ADH4: variants seen among roughly 807,000 people sequenced by gnomAD.
The protein encoded by ADH4 is alcohol dehydrogenase 4 (class II), pi polypeptide.
ADH4 carries 31 observed loss-of-function variants against 35.2 expected under a neutral mutation model. The observed-to-expected ratio is 0.88, with a 90% CI of 0.66 to 1.19. The LOEUF is 1.19. ADH4 is among the 50% of genes most tolerant of loss of function. ADH4 has a pLI of 0.00. For missense variants in ADH4, 476 were observed against 458.3 expected, an observed-to-expected ratio of 1.04 and a Z score of -0.35; for synonymous variants, 171 against 160.2, an observed-to-expected ratio of 1.07 and a Z score of -0.51.
chr4:99,125,890 T>C (rs1216438599), intron 8 of ADH4, among the ~76,000 whole-genome samples: 1 of 152,212 alleles, frequency 6.6e-6, no homozygotes, highest in Admixed American at 6.5e-5. Flanking sequence ...TTCTTCTTGG[T>C]CCTGCGTCTC....
intron 1 of ADH4, chr4:99,143,114 A>G: frequency 1.4e-6 from 1 of 701,012 alleles, no homozygotes; most frequent in Non-Finnish European, 2.6e-6. Context: ...AATAAGGTAG[A>G]TGGCCTATAA....
At chr4:99,139,930 T>G (rs1729559179) in intron 3 of ADH4, among the ~76,000 whole-genome samples, 1 of 152,196 alleles carries the variant, frequency 6.6e-6, no homozygotes, top group Non-Finnish European at 1.5e-5. Context: ...CAATCTTTTT[T>G]GGAATGGAAA....
intron 4 of ADH4, 106 bp from the exon 5 acceptor site, chr4:99,136,803 C>T: frequency 1.3e-6 from 1 of 750,760 alleles, no homozygotes; most frequent in Non-Finnish European, 2.1e-6. Context: ...TTTTTGATGA[C>T]AATTTACAAG....
chr4:99,139,103 T>A lies in ADH4; in HGVS notation c.308A>T (p.Lys103Met). The change falls in exon 4 of 9, where the codon AAG becomes ATG. Residue 103 changes from lysine to methionine, a missense_variant. Transcript: ENST00000265512. Reference sequence around the variant, plus strand: ...ATTTGTGAGTGGACTCAGACAAAACTTGCATTTTCTACATAGAGGTGCATA... The same window carrying A: ...ATTTGTGAGTGGACTCAGACAAAACATGCATTTTCTACATAGAGGTGCATA... The part of the protein sequence containing the change: ...PLYAPLCRKC[K>M]FCLSPLTNLC... 3 of 1,613,530 alleles carry A rather than the reference T, an allele frequency of 1.9e-6. No homozygotes were observed. Among genetic ancestry groups the A allele is most frequent in the Non-Finnish European group, 2.5e-6 (3 of 1,179,720 alleles).
chr4:99,144,058 A>G, intron 1 of ADH4, 147 bp downstream of exon 1: 1 of 821,650 alleles, frequency 1.2e-6, no homozygotes, highest in Non-Finnish European at 1.9e-6. Context: ...TTTCCCTAGA[A>G]TAAATTCCTG....
intron 5 of ADH4, among the ~76,000 whole-genome samples, chr4:99,132,786 A>T (rs1052514761): frequency 5.3e-5 from 8 of 152,184 alleles, no homozygotes; most frequent in African/African-American, 1.9e-4. Flanking sequence ...TAGGATTAAA[A>T]CATAAACAAA....
rs755024959 is a variant in ADH4 at position 99,126,621 on chromosome 4, G to A, written c.1091C>T (p.Ala364Val). The A allele has an allele frequency of 3.1e-6, 5 of 1,608,198 alleles. No homozygotes were observed. The East Asian group carries it at 8.9e-5, about 29-fold the overall frequency. The change falls in exon 8 of 9, where the codon GCA becomes GTA. Residue 364 changes from alanine to valine, a missense_variant. By Grantham distance (64) the Ala-to-Val change is moderately conservative. Transcript: ENST00000265512. ...TTTTCCTTGGTTCATTAGGTCAAAT[G>A]CCTCACTGATTTTGTCAAAAGGCAG... ...HTLPFDKISE[A>V]FDLMNQGKSV...
At chr4:99,134,150 G>A (rs889476528) in intron 5 of ADH4, among the ~76,000 whole-genome samples, 2 of 152,104 alleles carry the variant, frequency 1.3e-5, no homozygotes, top group Admixed American at 6.6e-5. Flanking sequence ...ACCAGAGTCT[G>A]GGGGGATAAA....
chr4:99,142,949 C>A, intron 1 of ADH4, 169 bp from the exon 2 acceptor site: 1 of 608,368 alleles, frequency 1.6e-6, no homozygotes, highest in Non-Finnish European at 2.9e-6. Flanking sequence ...ATTTTAAAGA[C>A]AAGGGATCTT....
chr4:99,131,810 C>A, intron 5 of ADH4, 46 bp from the exon 6 acceptor site: 1 of 1,570,026 alleles, frequency 6.4e-7, no homozygotes, highest in South Asian at 1.2e-5. Context: ...CAGCCAGTCC[C>A]ACTTTTTTTC....
intron 6 of ADH4, among the ~76,000 whole-genome samples, chr4:99,129,180 G>A (rs1729194883): frequency 6.6e-6 from 1 of 151,608 alleles, no homozygotes; most frequent in Non-Finnish European, 1.5e-5. Flanking sequence ...AAAAAAGTAA[G>A]TAGGGGAGAG....
intron 6 of ADH4, among the ~76,000 whole-genome samples, chr4:99,130,280 A>T (rs1729231370): frequency 1.3e-5 from 2 of 152,198 alleles, no homozygotes; most frequent in South Asian, 4.1e-4. Flanking sequence ...TCTCTGACTT[A>T]TTGCTGGGGG....
chr4:99,127,154 A>T, intron 7 of ADH4, 55 bp downstream of exon 7: 1 of 1,448,538 alleles, frequency 6.9e-7, no homozygotes. Context: ...TCACTCTAAG[A>T]ATTTCAGAAC....
At chr4:99,139,225 A>C (rs1223458681) in intron 3 of ADH4, 77 bp from the exon 4 acceptor site, 1 of 913,538 alleles carries the variant, frequency 1.1e-6, no homozygotes, top group African/African-American at 1.7e-5. Context: ...AGTGGAAAAC[A>C]CCTTTTCTTT....
At chr4:99,136,839 A>T (rs1729450660) in intron 4 of ADH4, 142 bp from the exon 5 acceptor site, 1 of 607,244 alleles carries the variant, frequency 1.6e-6, no homozygotes, top group Non-Finnish European at 2.8e-6. Context: ...AAACAACAAG[A>T]CTTTTCACAA....
intron 8 of ADH4, among the ~76,000 whole-genome samples, chr4:99,124,744 A>G (rs1729029624): frequency 6.6e-6 from 1 of 152,142 alleles, no homozygotes; most frequent in Non-Finnish European, 1.5e-5. Flanking sequence ...ATTAGAATGT[A>G]CCAAGGAGGG....
chr4:99,136,788 A>T, intron 4 of ADH4, 91 bp from the exon 5 acceptor site: 1 of 832,772 alleles, frequency 1.2e-6, no homozygotes, highest in South Asian at 1.9e-5. Context: ...GTTGAGCATT[A>T]TATATTTTTG....
chr4:99,125,327 T>C (rs568792997), intron 8 of ADH4, among the ~76,000 whole-genome samples: 2 of 152,214 alleles, frequency 1.3e-5, no homozygotes, highest in Non-Finnish European at 2.9e-5. Context: ...GCAGGAGGCC[T>C]CACTCTGGTG....
At chr4:99,134,503 G>A (rs142562465) in intron 5 of ADH4, among the ~76,000 whole-genome samples, 19 of 152,048 alleles carry the variant, frequency 1.2e-4, no homozygotes, top group African/African-American at 4.6e-4. Context: ...CCCTTAAAAG[G>A]ACTGGAGTAG....
Sources: gnomAD v4.1 joint callset for allele counts (sites outside exome capture counted in the v4.1 genomes callset) on GRCh38, gnomAD v4.1.1 for gene constraint, MANE v1.5 for transcripts, NCBI Gene and HGNC (gene_info 2026-07-23, HGNC 2026-07-21) for gene names.